PCDH11X: variants seen among roughly 807,000 people sequenced by gnomAD.
PCDH11X encodes the protein protocadherin 11 X-linked.
Under a neutral mutation model 53.3 loss-of-function variants are expected in PCDH11X, and 18 were observed. The ratio of observed to expected loss-of-function variants is 0.34; its 90% confidence interval spans 0.23 to 0.50. The LOEUF (loss-of-function observed/expected upper bound fraction) is 0.50. Among genes scored for constraint, PCDH11X ranks in the 20% least tolerant of loss-of-function variants. The pLI, the probability that PCDH11X is intolerant of heterozygous loss-of-function variation, is 0.98. For synonymous variants in PCDH11X, 279 were observed against 393.3 expected (o/e 0.71, Z 3.44); for missense variants, 570 against 1,032.4 (o/e 0.55, Z 6.14).
At chrX:92,163,519 T>C (rs2065679042) in intron 6 of PCDH11X, among the ~76,000 whole-genome samples, 1 of 110,953 alleles carries the variant, frequency 9.0e-6, no homozygotes, top group Non-Finnish European at 1.9e-5. Flanking sequence ...TTTCCACTGC[T>C]TCCTCTACCC....
chrX:92,036,562 C>T (rs2063128684), intron 6 of PCDH11X, among the ~76,000 whole-genome samples: 1 of 107,287 alleles, frequency 9.3e-6, no homozygotes, highest in East Asian at 3.0e-4. Context: ...GTGAGGCCTC[C>T]CCAGCCTCGT....
intron 9 of PCDH11X, among the ~76,000 whole-genome samples, chrX:92,453,111 C>T (rs1311394807): frequency 4.8e-5 from 5 of 104,679 alleles, no homozygotes; most frequent in South Asian, 4.3e-4. Context: ...TAAATGTAAC[C>T]GGTAATGACA....
Position 92,011,303 on chromosome X carries a change from C to T in PCDH11X, c.3033+132030C>T, listed in dbSNP as rs111323548. On this transcript the variant is annotated intron_variant, in intron 6 of 10. Transcript: ENST00000682573. Reference sequence around the variant, plus strand: ...TAAGCTCTTTGAGTAATTTCCATTGCTTTCCCCAGTGGCTAAACTAATTGA... The same window carrying T: ...TAAGCTCTTTGAGTAATTTCCATTGTTTTCCCCAGTGGCTAAACTAATTGA... Among the ~76,000 whole-genome samples the T allele has an allele frequency of 8.3e-3, 924 of 111,893 alleles. 8 individuals are homozygous for T. Among genetic ancestry groups the T allele is most frequent in the South Asian group, 0.041 (109 of 2,682 alleles).
Position 91,879,232 on chromosome X carries a change from G to A in PCDH11X, c.2992G>A (p.Val998Met). 8.3e-7 allele frequency: 1 copy of A among 1,211,822 alleles called. No homozygotes were observed. The highest frequency in any genetic ancestry group is 1.7e-5 in the African/African-American group (1 of 57,855). Residue 998 changes from valine (V) to methionine (M), a missense_variant, in exon 6 of 11, where the codon GTG becomes ATG. Val to Met is a conservative substitution (Grantham distance 21). Around this residue, in one of 6 missense-constraint regions of PCDH11X, gnomAD observed 234 missense variants for 296.1 expected, o/e 0.79. Coordinates refer to ENST00000682573, the MANE Select transcript of PCDH11X (RefSeq NM_032968.5). ...CAGCGTTTCTGACTGTGGCTATCCAGTGACGACCTTCGAGGTACCTGTGTC... is the reference window on the plus strand; with the variant it reads ...CAGCGTTTCTGACTGTGGCTATCCAATGACGACCTTCGAGGTACCTGTGTC... ...PYSVSDCGYP[V>M]TTFEVPVSVH...
Position 92,012,199 on chromosome X carries a change from G to T in PCDH11X, c.3033+132926G>T, listed in dbSNP as rs1428287874. Among the ~76,000 whole-genome samples the T allele has an allele frequency of 1.5e-4, 16 of 104,127 alleles. 1 individual carries two copies. The highest frequency in any genetic ancestry group is 9.0e-4 in the East Asian group (3 of 3,318). The allele number at this position is 104,127 out of a possible 115,157, so 90.4% of individuals were successfully genotyped here. ...GATGTGTGTTCATAAAGACCATGTG[G>T]TTTTTTTTTTGTTTAATGTAGTAAT... On this transcript the variant is annotated intron_variant, in intron 6 of 10. Transcript: ENST00000682573.
intron 6 of PCDH11X, among the ~76,000 whole-genome samples, chrX:91,904,575 GAAGA>G: frequency 9.0e-6 from 1 of 110,912 alleles, no homozygotes; most frequent in East Asian, 2.8e-4. Flanking sequence ...ATATAATAGA[GAAGA>G]AAAATAGAAA....
intron 10 of PCDH11X, among the ~76,000 whole-genome samples, chrX:92,479,294 G>A (rs1462002117): frequency 1.8e-5 from 2 of 108,506 alleles, no homozygotes; most frequent in Non-Finnish European, 3.8e-5. Flanking sequence ...ATAACAATGG[G>A]TCTTGGTTCT....
At chrX:92,401,403 A>AT (rs764208717) in intron 9 of PCDH11X, among the ~76,000 whole-genome samples, 168 of 110,877 alleles carry the variant, frequency 1.5e-3, no homozygotes, top group Non-Finnish European at 2.4e-3. Context: ...TTAATATTAC[A>AT]TTTTTTTCTT....
intron 10 of PCDH11X, among the ~76,000 whole-genome samples, chrX:92,519,135 A>G (rs184691715): frequency 9.1e-6 from 1 of 110,455 alleles, no homozygotes; most frequent in East Asian, 2.9e-4. Context: ...GCTTCATAAA[A>G]CTTCATTTGT....
At position 91,995,581 on chromosome X, in the gene PCDH11X, T is replaced by C. The variant is rs192266152; in HGVS notation, c.3033+116308T>C. Reference sequence around the variant, plus strand: ...CAGTACCATACTGTTTTAATTACTATAGCTTTGTACTGTAGTTTGGACTCA... The same window carrying C: ...CAGTACCATACTGTTTTAATTACTACAGCTTTGTACTGTAGTTTGGACTCA... On this transcript the variant is annotated intron_variant, in intron 6 of 10. Transcript: ENST00000682573. Among the ~76,000 whole-genome samples the C allele has an allele frequency of 2.7e-5, 3 of 111,700 alleles. No individual in the cohort carries two copies. In the East Asian group the frequency reaches 8.5e-4, roughly 32 times the overall value.
At chrX:91,956,650 C>T (rs2061714691) in intron 6 of PCDH11X, among the ~76,000 whole-genome samples, 1 of 109,580 alleles carries the variant, frequency 9.1e-6, no homozygotes, top group African/African-American at 3.3e-5. Flanking sequence ...TTCCCTTTGT[C>T]AGTAACCTGG....
At chrX:92,522,947 G>T (rs1193622872) in intron 10 of PCDH11X, among the ~76,000 whole-genome samples, 1 of 111,264 alleles carries the variant, frequency 9.0e-6, no homozygotes, top group Admixed American at 9.6e-5. Flanking sequence ...GTTATTCTCA[G>T]CAGTTAAGAT....
rs1414925002 is a variant in PCDH11X at position 92,369,451 on chromosome X, C to T, written c.3145-18284C>T. Among the ~76,000 whole-genome samples the T allele has an allele frequency of 5.4e-5, 6 of 111,755 alleles. No homozygotes were observed. The East Asian group carries it at 8.5e-4, about 16-fold the overall frequency. ...CAGTGATTTTTAGCTTGCTGGGCTC[C>T]GTGGGAGTGGGATCTGCTGAGTGAG... is the stretch of plus-strand genomic sequence containing the variant. On this transcript the variant is annotated intron_variant, in intron 8 of 10. Coordinates refer to ENST00000682573, the MANE Select transcript of PCDH11X (RefSeq NM_032968.5).
At chrX:92,339,296 G>T (rs886801438) in intron 8 of PCDH11X, among the ~76,000 whole-genome samples, 12 of 112,150 alleles carry the variant, frequency 1.1e-4, no homozygotes, top group African/African-American at 3.6e-4. Context: ...TTAAATGTAA[G>T]ACCTCAAATT....
chrX:92,526,983 A>C (rs1304317235), intron 10 of PCDH11X, among the ~76,000 whole-genome samples: 1 of 111,653 alleles, frequency 9.0e-6, no homozygotes, highest in African/African-American at 3.3e-5. Flanking sequence ...ATTTGCAACA[A>C]CACCTATGGA....
intron 9 of PCDH11X, among the ~76,000 whole-genome samples, chrX:92,418,980 T>C (rs1398037227): frequency 9.2e-6 from 1 of 109,072 alleles, no homozygotes; most frequent in Admixed American, 9.9e-5. Flanking sequence ...TTTTGGCCTA[T>C]GTACTGTGTA....
At chrX:92,097,688 C>T (rs1445829296) in intron 6 of PCDH11X, among the ~76,000 whole-genome samples, 2 of 109,573 alleles carry the variant, frequency 1.8e-5, no homozygotes, top group African/African-American at 6.6e-5. Context: ...TATATGTATC[C>T]TCATTTTATT....
chrX:92,260,055 G>T lies in PCDH11X; in HGVS notation c.3115-3059G>T, dbSNP rs140591463. Among the ~76,000 whole-genome samples the T allele has an allele frequency of 8.2e-5, 9 of 110,023 alleles. No homozygotes were observed. The East Asian group carries it at 2.6e-3, about 32-fold the overall frequency. On this transcript the variant is annotated intron_variant, in intron 7 of 10. Coordinates refer to ENST00000682573, the MANE Select transcript of PCDH11X (RefSeq NM_032968.5). Reference sequence around the variant, plus strand: ...GGTGCCATGAGCTGTGCAGCCTGGGGTTAGGGGATCAGTGATGCCAACCCT... The same window carrying T: ...GGTGCCATGAGCTGTGCAGCCTGGGTTTAGGGGATCAGTGATGCCAACCCT...
intron 10 of PCDH11X, among the ~76,000 whole-genome samples, chrX:92,599,464 A>G (rs1230212794): frequency 9.0e-6 from 1 of 111,539 alleles, no homozygotes; most frequent in Admixed American, 9.5e-5. Context: ...AAGAGATCTG[A>G]TGGTTTTCTA....
Sources: gnomAD v4.1 joint callset for allele counts (sites outside exome capture counted in the v4.1 genomes callset) on GRCh38, gnomAD v4.1.1 for gene constraint, gnomAD v4.1.1 regional missense constraint, MANE v1.5 for transcripts, NCBI Gene and HGNC (gene_info 2026-07-23, HGNC 2026-07-21) for gene names.